AFAP1L2: variants seen among roughly 807,000 people sequenced by gnomAD.
The protein encoded by AFAP1L2 is actin filament-associated protein 1-like 2.
A neutral mutation model predicts 99.3 loss-of-function variants in AFAP1L2; 46 were observed. The ratio of observed to expected loss-of-function variants is 0.46; its 90% confidence interval spans 0.37 to 0.59. AFAP1L2 has a LOEUF of 0.59. AFAP1L2 is among the 20% of genes least tolerant of loss of function. The pLI, the probability that AFAP1L2 is intolerant of heterozygous loss-of-function variation, is 0.00. For missense variants in AFAP1L2, 959 were observed against 1,034.9 expected, an observed-to-expected ratio of 0.93 and a Z score of 1.01; for synonymous variants, 397 against 419.1, an observed-to-expected ratio of 0.95 and a Z score of 0.64.
rs1160416989 is a variant in AFAP1L2, at chr10:114,326,050, A to G, written c.316-2789T>C. ...CCAAGGTCAGGATTCTCTAGAGTCG[A>G]ACAGGACAAAGGGAGGAGTGAACCC... On this transcript the variant is annotated intron_variant, in intron 4 of 18. Transcript: ENST00000304129. The G allele has an allele frequency of 3.9e-6, 5 of 1,287,776 alleles. No individual in the cohort carries two copies. In the Admixed American group the frequency reaches 6.9e-5, roughly 18 times the overall value. 79.8% of individuals were successfully genotyped at this position (1,287,776 alleles called of 1,614,324 possible).
rs199911657 is a variant in AFAP1L2 at position 114,299,327 on chromosome 10, G to T, written c.2046C>A (p.Ile682=). 1.0e-4 allele frequency: 169 copies of T among 1,614,112 alleles called. No individual in the cohort carries two copies. The highest frequency in any genetic ancestry group is 1.2e-4 in the Non-Finnish European group (142 of 1,180,044). The stretch of plus-strand genomic sequence containing the variant: ...TCCGGAGCTGAGCCAGGTGCCCCCG[G>T]ATTTCTTCCTTCTTCTTTTCAAGCC... ...KERLEKKKEE[I]RGHLAQLRKE... is the part of the protein sequence containing the mutation. The change falls in exon 16 of 19, where the codon ATC becomes ATA. Residue 682 remains isoleucine, a synonymous_variant. Coordinates refer to ENST00000304129, the MANE Select transcript of AFAP1L2 (RefSeq NM_001001936.3).
chr10:114,282,495 TTC>T, the AFAP1L2 span: 2 of 1,610,900 alleles, frequency 1.2e-6, no homozygotes, highest in African/African-American at 1.3e-5. Flanking sequence ...CTGTCTATAA[TTC>T]TGTTTCCTTG....
At chr10:114,310,860 G>C (rs992667174) in intron 7 of AFAP1L2, among the ~76,000 whole-genome samples, 1 of 152,164 alleles carries the variant, frequency 6.6e-6, no homozygotes, top group Non-Finnish European at 1.5e-5. Context: ...CAGAGGTCAT[G>C]CAACTCTCTG....
At chr10:114,380,282 C>T (rs1397927256) in intron 1 of AFAP1L2, among the ~76,000 whole-genome samples, 1 of 152,164 alleles carries the variant, frequency 6.6e-6, no homozygotes, top group Non-Finnish European at 1.5e-5. Flanking sequence ...TGGCAAGGTG[C>T]CCAAGAACAC....
intron 12 of AFAP1L2, chr10:114,301,854 C>G (rs929663532): frequency 1.1e-5 from 3 of 270,738 alleles, no homozygotes; most frequent in African/African-American, 2.2e-5. Context: ...CCCGTTTGGT[C>G]CATGAGAAAA....
chr10:114,308,532 G>A lies in AFAP1L2; in HGVS notation c.883-15C>T, dbSNP rs1017513682. ...GCTATATCTGGCTATGGACAAAAGC[G>A]ACATGAATGGGGATCACTGGCTGGG... is the stretch of plus-strand genomic sequence containing the variant. On this transcript the variant is annotated splice_polypyrimidine_tract_variant and intron_variant, in intron 8 of 18. Coordinates refer to ENST00000304129, the MANE Select transcript of AFAP1L2 (RefSeq NM_001001936.3). The A allele has an allele frequency of 1.8e-5, 29 of 1,609,974 alleles. No individual in the cohort carries two copies. The highest frequency in any genetic ancestry group is 1.8e-4 in the East Asian group (8 of 44,872).
the AFAP1L2 span, chr10:114,289,066 G>A: frequency 6.8e-6 from 11 of 1,614,074 alleles, no homozygotes; most frequent in South Asian, 5.5e-5. Context: ...GAACCCTGAC[G>A]TGACACAGGT....
chr10:114,332,559 T>C (rs1468264958), intron 3 of AFAP1L2, among the ~76,000 whole-genome samples: 2 of 152,198 alleles, frequency 1.3e-5, no homozygotes, highest in South Asian at 2.1e-4. Context: ...CACCCCTCTC[T>C]AAGCCTTTGT....
chr10:114,404,644 TC>T, upstream of AFAP1L2: 1 of 769,124 alleles, frequency 1.3e-6, no homozygotes, highest in Non-Finnish European at 1.8e-6. Context: ...AGCGCCCCTG[TC>T]CCAGCGCCCC....
At chr10:114,367,881 T>A (rs2053520643) in intron 1 of AFAP1L2, among the ~76,000 whole-genome samples, 1 of 152,246 alleles carries the variant, frequency 6.6e-6, no homozygotes, top group Non-Finnish European at 1.5e-5. Flanking sequence ...TCTTCCCACT[T>A]TTACAGTCTG....
chr10:114,305,597 CTGCAGAAGGAGATGCAGA>C (rs2042130691), intron 10 of AFAP1L2, among the ~76,000 whole-genome samples: 1 of 119,628 alleles, frequency 8.4e-6, no homozygotes. Flanking sequence ...GGCGACGGGG[CTGCAGAAGGAGATGCAGA>C]TGCAGGAGGG....
At chr10:114,353,143 G>C (rs919681516) in intron 1 of AFAP1L2, among the ~76,000 whole-genome samples, 2 of 152,202 alleles carry the variant, frequency 1.3e-5, no homozygotes, top group Non-Finnish European at 2.9e-5. Flanking sequence ...ATGAGCATCA[G>C]CCATGGGACT....
At chr10:114,348,675 A>T (rs1024147125) in intron 1 of AFAP1L2, among the ~76,000 whole-genome samples, 9 of 152,172 alleles carry the variant, frequency 5.9e-5, no homozygotes, top group Admixed American at 3.3e-4. Flanking sequence ...ATGTGTAGCC[A>T]CTCAGAGGCA....
At chr10:114,348,465 G>A (rs73367181) in intron 1 of AFAP1L2, among the ~76,000 whole-genome samples, 3,506 of 152,242 alleles carry the variant, frequency 0.023, 138 homozygotes, top group African/African-American at 0.08. Context: ...ATTCATCCCG[G>A]TTGTAATGCA....
At chr10:114,288,855 A>T in the AFAP1L2 span, 1 of 1,495,258 alleles carries the variant, frequency 6.7e-7, no homozygotes, top group East Asian at 2.3e-5. Context: ...CCTTGGTCCT[A>T]CCCAACCTGG....
At chr10:114,314,261 C>T (rs2043764511) in intron 6 of AFAP1L2, among the ~76,000 whole-genome samples, 1 of 152,186 alleles carries the variant, frequency 6.6e-6, no homozygotes, top group African/African-American at 2.4e-5. Context: ...TCCCTCTCTC[C>T]CTCAAGCCTC....
intron 4 of AFAP1L2, among the ~76,000 whole-genome samples, chr10:114,327,522 C>A (rs550072130): frequency 6.6e-6 from 1 of 152,104 alleles, no homozygotes; most frequent in East Asian, 1.9e-4. Context: ...ACTGCGTGAG[C>A]GAGTCAGGCT....
In AFAP1L2 at chr10:114,323,250, C is replaced by T. The variant is rs1021283374; in HGVS notation, c.327G>A (p.Arg109=). The change falls in exon 5 of 19, where the codon CGG becomes CGA. Residue 109 remains arginine, a synonymous_variant. Transcript: ENST00000304129. ...CCGTCTTTGGGATGGCAAGCTGTTT[C>T]CGTTCTGGAATCTGTGGTATGAACA... The part of the protein sequence containing the change: ...DLPPPKMIPE[R]KQLAIPKTES... The T allele has an allele frequency of 1.6e-5, 25 of 1,595,532 alleles. No individual in the cohort carries two copies. The highest frequency in any genetic ancestry group is 2.1e-5 in the Non-Finnish European group (24 of 1,169,706).
chr10:114,344,185 T>G (rs1207645719), intron 1 of AFAP1L2, among the ~76,000 whole-genome samples: 1 of 152,174 alleles, frequency 6.6e-6, no homozygotes, highest in African/African-American at 2.4e-5. Flanking sequence ...TTCTCCCAAC[T>G]AAAAGGCCTT....
Sources: allele counts gnomAD v4.1 joint callset (sites outside exome capture counted in the v4.1 genomes callset), GRCh38; gene constraint gnomAD v4.1.1; transcripts MANE v1.5; gene names NCBI Gene and HGNC (gene_info 2026-07-23, HGNC 2026-07-21).